Variants in SYBU observed in about 807,000 individuals in gnomAD.
SYBU encodes GOLSYN A protein.
Under a neutral mutation model 35.9 loss-of-function variants are expected in SYBU, and 21 were observed. The ratio of observed to expected loss-of-function variants is 0.58; its 90% confidence interval spans 0.41 to 0.84. SYBU has a LOEUF of 0.84. Among genes scored for constraint, SYBU ranks in the 40% least tolerant of loss-of-function variants. SYBU has a pLI of 0.00. For missense variants in SYBU, 768 were observed against 848.2 expected, an observed-to-expected ratio of 0.91 and a Z score of 1.17; for synonymous variants, 319 against 324.3, an observed-to-expected ratio of 0.98 and a Z score of 0.18.
At chr8:109,579,766 C>T (rs1198422387) in intron 5 of SYBU, 33 bp downstream of exon 5, 13 of 1,589,224 alleles carry the variant, frequency 8.2e-6, no homozygotes, top group Non-Finnish European at 1.1e-5. Flanking sequence ...GTAGGACAAA[C>T]TAAGATGCAT....
chr8:109,601,514 T>C (rs1413486162), intron 3 of SYBU, among the ~76,000 whole-genome samples: 2 of 151,962 alleles, frequency 1.3e-5, no homozygotes, highest in Non-Finnish European at 2.9e-5. Context: ...ACAACCAGGA[T>C]ATAAGGCAGA....
chr8:109,575,209 A>G lies in SYBU; in HGVS notation c.1689T>C (p.Asn563=), dbSNP rs1394796281. 4 of 1,613,970 alleles carry G rather than the reference A, an allele frequency of 2.5e-6. No individual in the cohort carries two copies. Among genetic ancestry groups the G allele is most frequent in the Admixed American group, 3.3e-5 (2 of 59,998 alleles). ...GGTTTGCATGAACTTCTGCATCCAC[A>G]TTGGCGTAGGGGGTCTCCACGGGAG... ...LLSPVETPYA[N]VDAEVHANRL... The change falls in exon 7 of 7, where the codon AAT becomes AAC. Residue 563 remains asparagine, a synonymous_variant. Transcript: ENST00000276646.
intron 3 of SYBU, among the ~76,000 whole-genome samples, chr8:109,610,347 T>C (rs1811036039): frequency 6.6e-6 from 1 of 152,224 alleles, no homozygotes; most frequent in Admixed American, 6.5e-5. Context: ...TTAATAAATA[T>C]TCATCAAATG....
intron 4 of SYBU, among the ~76,000 whole-genome samples, chr8:109,582,268 C>G (rs1823118962): frequency 6.6e-6 from 1 of 152,146 alleles, no homozygotes; most frequent in Non-Finnish European, 1.5e-5. Context: ...TAAGAGCTAA[C>G]TTTTTAAAAA....
chr8:109,690,390 T>C (rs1296585740), intron 1 of SYBU, among the ~76,000 whole-genome samples: 7 of 152,150 alleles, frequency 4.6e-5, no homozygotes, highest in Admixed American at 2.6e-4. Flanking sequence ...AAGAATCTGA[T>C]CTGGCAGAAA....
At chr8:109,681,489 G>A (rs77869397), upstream of SYBU, among the ~76,000 whole-genome samples, 666 of 152,228 alleles carry the variant, frequency 4.4e-3, 4 homozygotes, top group African/African-American at 0.015. Flanking sequence ...GGAATGTAAA[G>A]CAGGGATTGC....
At chr8:109,586,472 G>T in intron 3 of SYBU, 1 of 293,594 alleles carries the variant, frequency 3.4e-6, no homozygotes, top group Non-Finnish European at 6.4e-6. Context: ...CCGTATGTGA[G>T]GCTCTCACTC....
At chr8:109,660,069 A>G (rs1816505171) in intron 1 of SYBU, among the ~76,000 whole-genome samples, 1 of 152,166 alleles carries the variant, frequency 6.6e-6, no homozygotes, top group African/African-American at 2.4e-5. Flanking sequence ...GACAGTGTCT[A>G]TTTAGCTTAA....
chr8:109,603,500 G>C (rs903379760), intron 3 of SYBU: 44 of 572,524 alleles, frequency 7.7e-5, no homozygotes, highest in Non-Finnish European at 9.5e-5. Flanking sequence ...CAGCTACTCT[G>C]CCCCACCCCC....
In SYBU at chr8:109,575,249, G is replaced by A. The variant is rs1822100995; in HGVS notation, c.1649C>T (p.Ser550Leu). Reference sequence around the variant, plus strand: ...CTCCACGGGAGACAAAAGGATGGCTGAGTTTGGATTTCTTGGAGTTAAATC... The same window carrying A: ...CTCCACGGGAGACAAAAGGATGGCTAAGTTTGGATTTCTTGGAGTTAAATC... Reference protein sequence around the residue: ...VVDLTPRNPNSAILLSPVETP... With the variant: ...VVDLTPRNPNLAILLSPVETP... The change falls in exon 7 of 7, where the codon TCA becomes TTA. Residue 550 changes from serine (S) to leucine (L), a missense_variant. Ser to Leu is a moderately radical substitution (Grantham distance 145). Coordinates refer to ENST00000276646, the MANE Select transcript of SYBU (RefSeq NM_001099754.2). The A allele has an allele frequency of 1.2e-6, 2 of 1,614,100 alleles. No homozygotes were observed. Among genetic ancestry groups the A allele is most frequent in the Non-Finnish European group, 1.7e-6 (2 of 1,180,036 alleles).
chr8:109,580,085 A>T, intron 4 of SYBU, 83 bp from the exon 5 acceptor site: 1 of 1,326,182 alleles, frequency 7.5e-7, no homozygotes, highest in Non-Finnish European at 1.1e-6. Context: ...AAATCTAAGG[A>T]AATCCAATTT....
chr8:109,675,525 C>G (rs963767366), intron 1 of SYBU, among the ~76,000 whole-genome samples: 2 of 152,158 alleles, frequency 1.3e-5, no homozygotes, highest in Non-Finnish European at 2.9e-5. Flanking sequence ...CACATATAAA[C>G]TAGAAAATAC....
At chr8:109,616,006 C>CTTTTTTTTTTTTT (rs35120699) in intron 3 of SYBU, among the ~76,000 whole-genome samples, 66 of 67,762 alleles carry the variant, frequency 9.7e-4, no homozygotes, top group African/African-American at 1.3e-3. Context: ...TCTTTTCTTT[C>CTTTTTTTTTTTTT]TTTTTTTTTT....
chr8:109,602,718 T>C (rs1183128065), intron 3 of SYBU, among the ~76,000 whole-genome samples: 2 of 152,104 alleles, frequency 1.3e-5, no homozygotes. Flanking sequence ...CAGGTGTCTG[T>C]GTAATCTTTC....
chr8:109,608,441 G>C (rs1334063337), intron 3 of SYBU, among the ~76,000 whole-genome samples: 1 of 152,038 alleles, frequency 6.6e-6, no homozygotes, highest in Non-Finnish European at 1.5e-5. Flanking sequence ...AAAATTCTTG[G>C]TGTACTCCAT....
chr8:109,631,397 G>A (rs1213236222), intron 2 of SYBU, among the ~76,000 whole-genome samples: 2 of 152,102 alleles, frequency 1.3e-5, no homozygotes, highest in African/African-American at 4.8e-5. Context: ...ATCACTTCAC[G>A]GATAAACATT....
intron 3 of SYBU, among the ~76,000 whole-genome samples, chr8:109,590,515 T>C (rs1221767955): frequency 6.6e-6 from 1 of 152,084 alleles, no homozygotes; most frequent in Non-Finnish European, 1.5e-5. Flanking sequence ...TTCTGATTGA[T>C]GTTTAATTGA....
chr8:109,664,091 A>G (rs1816671407), intron 1 of SYBU, among the ~76,000 whole-genome samples: 1 of 152,248 alleles, frequency 6.6e-6, no homozygotes, highest in Non-Finnish European at 1.5e-5. Flanking sequence ...TATTTAGGAA[A>G]CAAGAAAAAA....
chr8:109,634,543 C>T (rs1813997593), intron 2 of SYBU, among the ~76,000 whole-genome samples: 2 of 152,114 alleles, frequency 1.3e-5, no homozygotes, highest in Admixed American at 6.5e-5. Flanking sequence ...TACCAAATTC[C>T]AACAAATGCT....
Sources: allele counts gnomAD v4.1 joint callset (sites outside exome capture counted in the v4.1 genomes callset), GRCh38; gene constraint gnomAD v4.1.1; transcripts MANE v1.5; gene names NCBI Gene and HGNC (gene_info 2026-07-23, HGNC 2026-07-21).